Variants in ARHGEF10L observed in about 807,000 individuals in gnomAD.
ARHGEF10L encodes rho guanine nucleotide exchange factor 10-like protein.
In ARHGEF10L, 69 loss-of-function variants were observed where a neutral mutation model predicts 141.2. The observed-to-expected ratio is 0.49, with a 90% CI of 0.40 to 0.60. The LOEUF is 0.60. ARHGEF10L is among the 20% of genes least tolerant of loss of function. The probability of loss-of-function intolerance (pLI) is 0.00; values close to 1 mark genes in which losing one functional copy is unlikely to be tolerated. For missense variants in ARHGEF10L, 1,482 were observed against 1,734.3 expected, an observed-to-expected ratio of 0.85 and a Z score of 2.58; for synonymous variants, 711 against 718.5, an observed-to-expected ratio of 0.99 and a Z score of 0.17.
the ARHGEF10L span, among the ~76,000 whole-genome samples, chr1:17,528,544 CCCATCCAT>C: frequency 2.0e-4 from 30 of 152,034 alleles, no homozygotes; most frequent in East Asian, 4.4e-3. Flanking sequence ...CATCCATCCA[CCCATCCAT>C]CCATCCATCC....
chr1:17,641,354 G>A (rs576866724), intron 21 of ARHGEF10L, among the ~76,000 whole-genome samples: 4 of 152,298 alleles, frequency 2.6e-5, no homozygotes, highest in South Asian at 2.1e-4. Context: ...ATGGAAGGCC[G>A]GGCGCAGTGG....
At chr1:17,633,439 G>A (rs776822988) in intron 16 of ARHGEF10L, among the ~76,000 whole-genome samples, 3 of 152,142 alleles carry the variant, frequency 2.0e-5, no homozygotes, top group Non-Finnish European at 4.4e-5. Context: ...TGCCTCCTGG[G>A]TTTAAGTGAT....
chr1:17,543,097 T>A (rs945578533), intron 1 of ARHGEF10L, among the ~76,000 whole-genome samples: 12 of 152,108 alleles, frequency 7.9e-5, no homozygotes, highest in Non-Finnish European at 1.6e-4. Flanking sequence ...TCTCTCTACC[T>A]CAGTGGAGGG....
rs1299562243 is a variant in ARHGEF10L at position 17,573,032 on chromosome 1, C to T, written c.-43-7521C>T. Among the ~76,000 whole-genome samples the T allele has an allele frequency of 1.3e-5, 2 of 152,172 alleles. No individual in the cohort carries two copies. Among genetic ancestry groups the T allele is most frequent in the South Asian group, 2.1e-4 (1 of 4,830 alleles). ...ACTGTTTCCCTTGGCAGTGCCCCTC[C>T]GTGAGCTCCAGCTCTTTCCTGCCAT... On this transcript the variant is annotated intron_variant, in intron 1 of 28. Coordinates refer to ENST00000361221, the MANE Select transcript of ARHGEF10L (RefSeq NM_018125.4). This position sits in a 1 kb window ranked among gnomAD's most constrained non-coding sequence, Gnocchi z 4.8.
the ARHGEF10L span, among the ~76,000 whole-genome samples, chr1:17,527,468 C>G: frequency 6.6e-6 from 1 of 152,188 alleles, no homozygotes; most frequent in African/African-American, 2.4e-5. Flanking sequence ...CCAGGCCCCA[C>G]CCTGGAGCCA....
At chr1:17,649,476 T>A (rs1453106593) in intron 22 of ARHGEF10L, among the ~76,000 whole-genome samples, 2 of 152,232 alleles carry the variant, frequency 1.3e-5, no homozygotes, top group African/African-American at 4.8e-5. Flanking sequence ...ATGCGCCGAT[T>A]GGGCTGTAGA....
In ARHGEF10L at chr1:17,573,932, G is replaced by A. The variant is rs905933171; in HGVS notation, c.-43-6621G>A. On this transcript the variant is annotated intron_variant, in intron 1 of 28. Coordinates refer to ENST00000361221, the MANE Select transcript of ARHGEF10L (RefSeq NM_018125.4). The surrounding 1 kb of genome is among the most constrained non-coding windows in gnomAD (Gnocchi z 4.8). ...CTTGGCCCCTGCCCCAGTGAGGCAG[G>A]CCCCCTTCTCAGAGCTCCCCTCCCC... 2.6e-4 allele frequency among the ~76,000 whole-genome samples: 39 copies of A among 152,222 alleles called. No homozygotes were observed. The highest frequency in any genetic ancestry group is 8.4e-4 in the African/African-American group (35 of 41,548).
At chr1:17,674,971 C>T (rs2063552850) in intron 26 of ARHGEF10L, among the ~76,000 whole-genome samples, 1 of 152,128 alleles carries the variant, frequency 6.6e-6, no homozygotes. Flanking sequence ...TGATGCCTTT[C>T]TCAGAACGGC....
chr1:17,584,964 C>G (rs2078902666), intron 2 of ARHGEF10L, among the ~76,000 whole-genome samples: 1 of 152,104 alleles, frequency 6.6e-6, no homozygotes, highest in Non-Finnish European at 1.5e-5. Flanking sequence ...ATTAGTATCA[C>G]AATACATTAT....
rs1415524200 is a variant in ARHGEF10L, at chr1:17,599,339, A to C, written c.258-2788A>C. ...TGACCAAGTGAGACTGTCAAAAAAA[A>C]AAAAAGAAAAAGAAAAAAAAAACGT... is the stretch of plus-strand genomic sequence containing the variant. On this transcript the variant is annotated intron_variant, in intron 4 of 28. Coordinates refer to ENST00000361221, the MANE Select transcript of ARHGEF10L (RefSeq NM_018125.4). Among the ~76,000 whole-genome samples the C allele has an allele frequency of 3.9e-4, 59 of 152,150 alleles. No individual in the cohort carries two copies. In the South Asian group the frequency reaches 0.011, roughly 29 times the overall value.
chr1:17,587,807 G>A (rs1413771895), intron 3 of ARHGEF10L, among the ~76,000 whole-genome samples, 162 bp downstream of exon 3: 2 of 152,252 alleles, frequency 1.3e-5, no homozygotes, highest in Non-Finnish European at 2.9e-5. Context: ...GGCTTCCCTG[G>A]TGAATTGGAA....
At chr1:17,567,161 C>A (rs370480483) in intron 1 of ARHGEF10L, among the ~76,000 whole-genome samples, 2 of 152,220 alleles carry the variant, frequency 1.3e-5, no homozygotes, top group Admixed American at 6.5e-5. Flanking sequence ...GGTGGCCATC[C>A]GTGCATCCGC....
intron 1 of ARHGEF10L, among the ~76,000 whole-genome samples, chr1:17,580,035 G>A (rs2078417092): frequency 6.6e-6 from 1 of 152,248 alleles, no homozygotes; most frequent in Non-Finnish European, 1.5e-5. Flanking sequence ...CTGCCTGCTG[G>A]TCAACCCATG....
rs1170890225 is a variant in ARHGEF10L at position 17,625,712 on chromosome 1, T to C, written c.1318-244T>C. On this transcript the variant is annotated intron_variant, in intron 13 of 28. Transcript: ENST00000361221. The surrounding 1 kb of genome is among the most constrained non-coding windows in gnomAD (Gnocchi z 4.5). ...CTGAGTTTCCCAGTTATGCCTTTAG[T>C]TCAGAGACCTTAAGATGACTGCTTT... Among the ~76,000 whole-genome samples, 3 of 152,224 alleles carry C rather than the reference T, an allele frequency of 2.0e-5. No individual in the cohort carries two copies. The highest frequency in any genetic ancestry group is 2.9e-5 in the Non-Finnish European group (2 of 68,038).
rs2081290573 is a variant in ARHGEF10L at position 17,607,557 on chromosome 1, C to T, written c.434-245C>T. 6.6e-6 allele frequency among the ~76,000 whole-genome samples: 1 copy of T among 152,238 alleles called. No individual in the cohort carries two copies. Among genetic ancestry groups the T allele is most frequent in the South Asian group, 2.1e-4 (1 of 4,834 alleles). Reference sequence around the variant, plus strand: ...CTGGGAGCAAAAGGAAGTGAGCGGGCTTGTGCACGTCTGACCCATTTCTTG... The same window carrying T: ...CTGGGAGCAAAAGGAAGTGAGCGGGTTTGTGCACGTCTGACCCATTTCTTG... On this transcript the variant is annotated intron_variant, in intron 6 of 28. Transcript: ENST00000361221. The surrounding 1 kb of genome is among the most constrained non-coding windows in gnomAD (Gnocchi z 4.5).
chr1:17,619,149 G>C lies in ARHGEF10L; in HGVS notation c.836-190G>C, dbSNP rs541471564. Among the ~76,000 whole-genome samples, 25 of 152,264 alleles carry C rather than the reference G, an allele frequency of 1.6e-4. No individual in the cohort carries two copies. Among genetic ancestry groups the C allele is most frequent in the Middle Eastern group, 3.4e-3 (1 of 294 alleles). On this transcript the variant is annotated intron_variant, in intron 9 of 28. Transcript: ENST00000361221. The surrounding 1 kb of genome is among the most constrained non-coding windows in gnomAD (Gnocchi z 5.0). ...ATTATTCACTGATGGAATGTTCCAG[G>C]CCCTGGGACGTAGCAGGGAACTCCT... is the stretch of plus-strand genomic sequence containing the variant.
intron 26 of ARHGEF10L, among the ~76,000 whole-genome samples, chr1:17,681,819 C>T (rs180876398): frequency 5.3e-5 from 8 of 152,334 alleles, no homozygotes; most frequent in African/African-American, 1.7e-4. Context: ...AGTTCCTCCA[C>T]AAACTTTCCC....
upstream of ARHGEF10L, among the ~76,000 whole-genome samples, chr1:17,535,963 G>A (rs1184237665): frequency 6.6e-6 from 1 of 152,212 alleles, no homozygotes; most frequent in Admixed American, 6.5e-5. Context: ...ACCACATGTG[G>A]TAGGTTGGGC....
At chr1:17,513,910 C>T in the ARHGEF10L span, among the ~76,000 whole-genome samples, 11 of 152,094 alleles carry the variant, frequency 7.2e-5, no homozygotes, top group South Asian at 4.2e-4. Flanking sequence ...CTGCAACCTC[C>T]GCCTCCCAGG....
Sources: gnomAD v4.1 joint callset for allele counts (sites outside exome capture counted in the v4.1 genomes callset) on GRCh38, gnomAD v4.1.1 for gene constraint, Gnocchi (gnomAD v3.1) non-coding constraint, MANE v1.5 for transcripts, NCBI Gene and HGNC (gene_info 2026-07-23, HGNC 2026-07-21) for gene names.